HS3ST3A1: variants seen among roughly 807,000 people sequenced by gnomAD.
HS3ST3A1 encodes the protein heparan sulfate glucosamine 3-O-sulfotransferase 3A1.
Under a neutral mutation model 25.7 loss-of-function variants are expected in HS3ST3A1, and 19 were observed. The observed-to-expected ratio is 0.74, with a 90% CI of 0.52 to 1.08. The LOEUF (loss-of-function observed/expected upper bound fraction) is 1.08, where lower values mean the gene tolerates loss of function less well. Ranked by LOEUF, HS3ST3A1 falls within the 50% of genes least tolerant of loss-of-function variation. HS3ST3A1 has a pLI of 0.00. For missense variants in HS3ST3A1, 459 were observed against 594.3 expected (o/e 0.77, Z 2.37); for synonymous variants, 226 against 278.6 (o/e 0.81, Z 1.88).
intron 1 of HS3ST3A1, among the ~76,000 whole-genome samples, chr17:13,514,380 TTTTA>T (rs1436935892): frequency 1.3e-5 from 2 of 152,290 alleles, no homozygotes; most frequent in African/African-American, 2.4e-5. Flanking sequence ...TTGACTTGTA[TTTTA>T]TTTATTTTTA....
chr17:13,591,207 G>A (rs117691543), intron 1 of HS3ST3A1, among the ~76,000 whole-genome samples: 4,338 of 151,600 alleles, frequency 0.029, 96 homozygotes, highest in Non-Finnish European at 0.045. Flanking sequence ...CACCACACCC[G>A]GCTAATCTTT....
intron 1 of HS3ST3A1, among the ~76,000 whole-genome samples, chr17:13,541,748 G>A (rs1336543714): frequency 1.3e-5 from 2 of 152,212 alleles, no homozygotes; most frequent in African/African-American, 4.8e-5. Context: ...TCTGTTGGCA[G>A]TTTCCATAGC....
At chr17:13,521,696 A>G (rs1385958729) in intron 1 of HS3ST3A1, among the ~76,000 whole-genome samples, 1 of 152,202 alleles carries the variant, frequency 6.6e-6, no homozygotes, top group Admixed American at 6.5e-5. Context: ...GGGTCTTCAT[A>G]TAGACAAAAA....
chr17:13,573,606 C>T (rs1907873715), intron 1 of HS3ST3A1, among the ~76,000 whole-genome samples: 1 of 152,214 alleles, frequency 6.6e-6, no homozygotes, highest in South Asian at 2.1e-4. Flanking sequence ...AAGACAGTAG[C>T]TGTGTCTCTG....
At chr17:13,535,748 A>G (rs1906753373) in intron 1 of HS3ST3A1, among the ~76,000 whole-genome samples, 2 of 152,206 alleles carry the variant, frequency 1.3e-5, no homozygotes, top group South Asian at 2.1e-4. Flanking sequence ...CTTAAAAAAA[A>G]TCTTTCTTAA....
rs770253818 is a variant in HS3ST3A1, at chr17:13,494,599, C to A, written c.*1598G>T. ...TTTAAATTTTGGCAGATAAAGAAAA[C>A]TTCCATGAAATAGAAGACATTTTTC... On this transcript the variant is annotated 3_prime_UTR_variant, in exon 2 of 2. Coordinates refer to ENST00000284110, the MANE Select transcript of HS3ST3A1 (RefSeq NM_006042.3). Among the ~76,000 whole-genome samples, 1 of 151,308 alleles carries A rather than the reference C, an allele frequency of 6.6e-6. No individual in the cohort carries two copies. Among genetic ancestry groups the A allele is most frequent in the Non-Finnish European group, 1.5e-5 (1 of 67,858 alleles).
chr17:13,539,385 G>A (rs1340547244), intron 1 of HS3ST3A1, among the ~76,000 whole-genome samples: 1 of 152,248 alleles, frequency 6.6e-6, no homozygotes, highest in Non-Finnish European at 1.5e-5. Flanking sequence ...TATGGAGACA[G>A]TCAACCGTAC....
At chr17:13,519,532 C>T (rs932834665) in intron 1 of HS3ST3A1, among the ~76,000 whole-genome samples, 2 of 151,966 alleles carry the variant, frequency 1.3e-5, no homozygotes, top group African/African-American at 4.8e-5. Flanking sequence ...GCTGAAAGTG[C>T]TTAGAATAGC....
intron 1 of HS3ST3A1, among the ~76,000 whole-genome samples, chr17:13,540,253 C>A (rs936613455): frequency 2.6e-5 from 4 of 152,208 alleles, no homozygotes; most frequent in African/African-American, 9.6e-5. Flanking sequence ...TGACCAGCAG[C>A]TTGACACTGG....
At chr17:13,579,294 C>T (rs1908036324) in intron 1 of HS3ST3A1, among the ~76,000 whole-genome samples, 1 of 152,126 alleles carries the variant, frequency 6.6e-6, no homozygotes, top group Non-Finnish European at 1.5e-5. Context: ...TAAACTCTTA[C>T]TCAATATTAG....
At chr17:13,549,011 G>C (rs530169185) in intron 1 of HS3ST3A1, among the ~76,000 whole-genome samples, 15 of 152,278 alleles carry the variant, frequency 9.9e-5, no homozygotes, top group East Asian at 7.7e-4. Context: ...GATCTGCTCC[G>C]GTCCCTTGCC....
chr17:13,587,529 CACAG>C (rs1373693634), intron 1 of HS3ST3A1, among the ~76,000 whole-genome samples: 1 of 152,186 alleles, frequency 6.6e-6, no homozygotes, highest in Non-Finnish European at 1.5e-5. Flanking sequence ...TCCTCACCTG[CACAG>C]ACAGATGAGT....
Position 13,496,711 on chromosome 17 carries a change from G to A in HS3ST3A1, c.707C>T (p.Thr236Ile), listed in dbSNP as rs145002264. Residue 236 changes from threonine (T) to isoleucine (I), a missense_variant, in exon 2 of 2, where the codon ACC becomes ATC. Thr to Ile is a moderately conservative substitution (Grantham distance 89, BLOSUM62 -1). Coordinates refer to ENST00000284110, the MANE Select transcript of HS3ST3A1 (RefSeq NM_006042.3). ...GTCCCGCACCACCACGATGAGCTTG[G>A]TGTCCTTGGACATGGCCGAGATGCG... ...PARISAMSKDTKLIVVVRDPV... is the reference protein window; with the variant it reads ...PARISAMSKDIKLIVVVRDPV... The A allele has an allele frequency of 9.8e-4, 1,585 of 1,614,098 alleles. 14 individuals carry two copies. In the East Asian group the frequency reaches 0.035, roughly 36 times the overall value.
In HS3ST3A1 at chr17:13,560,491, C is replaced by A. The variant is rs147822042; in HGVS notation, c.599+40040G>T. Among the ~76,000 whole-genome samples the A allele has an allele frequency of 4.8e-3, 722 of 151,868 alleles. 6 individuals are homozygous for A. The highest frequency in any genetic ancestry group is 0.017 in the African/African-American group (699 of 41,398). On this transcript the variant is annotated intron_variant, in intron 1 of 1. Transcript: ENST00000284110. ...TGTATTACCTACAAACAAAAACATT[C>A]TCCTAAGTAATCATAATACAATCAT...
At chr17:13,533,059 T>A (rs1906656352) in intron 1 of HS3ST3A1, among the ~76,000 whole-genome samples, 1 of 152,266 alleles carries the variant, frequency 6.6e-6, no homozygotes, top group East Asian at 1.9e-4. Flanking sequence ...CAACAGCACC[T>A]GCTCCATCCT....
intron 1 of HS3ST3A1, among the ~76,000 whole-genome samples, chr17:13,560,215 G>A (rs886796685): frequency 5.6e-5 from 8 of 142,538 alleles, no homozygotes; most frequent in South Asian, 2.3e-4. Flanking sequence ...GCTTGAACCC[G>A]AGAGGTGGAG....
chr17:13,557,553 T>C (rs1416353278), intron 1 of HS3ST3A1, among the ~76,000 whole-genome samples: 1 of 151,730 alleles, frequency 6.6e-6, no homozygotes, highest in Non-Finnish European at 1.5e-5. Context: ...AGAGATGAAA[T>C]TGGAAATACT....
At chr17:13,510,829 C>T (rs544025705) in intron 1 of HS3ST3A1, among the ~76,000 whole-genome samples, 43 of 152,164 alleles carry the variant, frequency 2.8e-4, no homozygotes, top group Non-Finnish European at 5.0e-4. Context: ...CTCAGCCTCC[C>T]GCGTAGCTGG....
rs1199485810 is a variant in HS3ST3A1 at position 13,494,826 on chromosome 17, C to T, written c.*1371G>A. On this transcript the variant is annotated 3_prime_UTR_variant, in exon 2 of 2. Coordinates refer to ENST00000284110, the MANE Select transcript of HS3ST3A1 (RefSeq NM_006042.3). ...GATTTAAATGGGGGATGGGCAGAAA[C>T]AGACGAGAGAAGAGGAAAAGCCACC... Among the ~76,000 whole-genome samples the T allele has an allele frequency of 2.0e-5, 3 of 152,058 alleles. No homozygotes were observed. Among genetic ancestry groups the T allele is most frequent in the African/African-American group, 7.2e-5 (3 of 41,380 alleles).
Sources: gnomAD v4.1 joint callset for allele counts (sites outside exome capture counted in the v4.1 genomes callset) on GRCh38, gnomAD v4.1.1 for gene constraint, MANE v1.5 for transcripts, NCBI Gene and HGNC (gene_info 2026-07-23, HGNC 2026-07-21) for gene names.